Variants in MMP26 observed in about 807,000 individuals in gnomAD.
MMP26 encodes matrix metallopeptidase 26.
MMP26 carries 33 observed loss-of-function variants against 31.0 expected under a neutral mutation model. The observed-to-expected ratio is 1.06, with a 90% CI of 0.81 to 1.42. The LOEUF is 1.42. Ranked by LOEUF, MMP26 falls within the 40% of genes most tolerant of loss-of-function variation. The pLI, the probability that MMP26 is intolerant of heterozygous loss-of-function variation, is 0.00. For missense variants in MMP26, 347 were observed against 316.1 expected, an observed-to-expected ratio of 1.10 and a Z score of -0.74; for synonymous variants, 122 against 114.9, an observed-to-expected ratio of 1.06 and a Z score of -0.40.
At chr11:4,731,846 C>T (rs533282214) in intron 1 of MMP26, among the ~76,000 whole-genome samples, 1 of 152,252 alleles carries the variant, frequency 6.6e-6, no homozygotes, top group Non-Finnish European at 1.5e-5. Flanking sequence ...TGTCTATTCA[C>T]TATGGATGGA....
chr11:4,706,181 T>A (rs945171804), intron 1 of MMP26, among the ~76,000 whole-genome samples: 1 of 152,186 alleles, frequency 6.6e-6, no homozygotes, highest in African/African-American at 2.4e-5. Context: ...ACCACTAATT[T>A]TATTAGAGAG....
chr11:4,746,152 C>T (rs767318089), intron 1 of MMP26, among the ~76,000 whole-genome samples: 1 of 152,104 alleles, frequency 6.6e-6, no homozygotes, highest in Non-Finnish European at 1.5e-5. Flanking sequence ...TCTTATGTTC[C>T]CATTGACTTG....
At chr11:4,973,181 CT>C in intron 2 of MMP26, 1 of 191,252 alleles carries the variant, frequency 5.2e-6, no homozygotes. Context: ...GACCTTGAGC[CT>C]TTTCTTTCAT....
At chr11:4,991,881 C>T (rs1199482939) in intron 6 of MMP26, 83 bp from the exon 7 acceptor site, 18 of 1,283,970 alleles carry the variant, frequency 1.4e-5, no homozygotes, top group Non-Finnish European at 1.8e-5. Context: ...CTGTTCTCTC[C>T]TTTTTCTTTG....
intron 2 of MMP26, chr11:4,876,641 T>C (rs891455506): frequency 6.6e-5 from 10 of 152,280 alleles, no homozygotes; most frequent in African/African-American, 2.2e-4. Flanking sequence ...GAAAGACTTA[T>C]GGATGGCCTT....
intron 2 of MMP26, among the ~76,000 whole-genome samples, chr11:4,911,667 T>C (rs1463189893): frequency 6.6e-6 from 1 of 152,206 alleles, no homozygotes; most frequent in Non-Finnish European, 1.5e-5. Context: ...TTCAAATATC[T>C]AACTCCATCA....
intron 2 of MMP26, chr11:4,876,408 AT>A (rs1850379626): frequency 6.6e-6 from 1 of 152,184 alleles, no homozygotes; most frequent in Non-Finnish European, 1.5e-5. Flanking sequence ...TGGTTTCTGT[AT>A]CAAACTGAGC....
rs150084179 is a variant in MMP26, at chr11:4,766,436, A to G, written c.-216-834A>G. On this transcript the variant is annotated intron_variant, in intron 1 of 7. Coordinates refer to ENST00000380390, the MANE Select transcript of MMP26 (RefSeq NM_021801.5). ...TCTACTCGGTGTTTCATGGTACTAC[A>G]TTTTTCCCCGGATACAGATGTAACA... Among the ~76,000 whole-genome samples the G allele has an allele frequency of 4.6e-5, 7 of 152,112 alleles. No individual in the cohort carries two copies. In the East Asian group the frequency reaches 1.2e-3, roughly 25 times the overall value.
chr11:4,907,736 T>C, intron 2 of MMP26: 1 of 1,614,064 alleles, frequency 6.2e-7, no homozygotes, highest in South Asian at 1.1e-5. Context: ...TTTGGACCGC[T>C]TTCTTGCCAT....
intron 2 of MMP26, among the ~76,000 whole-genome samples, chr11:4,905,325 G>C (rs574441895): frequency 6.6e-6 from 1 of 152,234 alleles, no homozygotes; most frequent in East Asian, 1.9e-4. Context: ...CCATGTAGAA[G>C]ATGCAGAGCT....
At chr11:4,796,589 T>A (rs1260685931) in intron 2 of MMP26, among the ~76,000 whole-genome samples, 2 of 152,226 alleles carry the variant, frequency 1.3e-5, no homozygotes, top group Non-Finnish European at 2.9e-5. Flanking sequence ...ATATACAGAC[T>A]TTTAATATAC....
chr11:4,769,173 C>A, intron 2 of MMP26: 1 of 1,614,120 alleles, frequency 6.2e-7, no homozygotes, highest in Non-Finnish European at 8.5e-7. Context: ...AAAGCAACTG[C>A]TCCCACATGG....
intron 2 of MMP26, among the ~76,000 whole-genome samples, chr11:4,857,500 A>G (rs1242100140): frequency 2.6e-5 from 4 of 152,178 alleles, no homozygotes; most frequent in Non-Finnish European, 5.9e-5. Flanking sequence ...TCCTGGACAC[A>G]TACTCTCTCC....
At position 4,917,132 on chromosome 11, in the gene MMP26, C is replaced by T. The variant is rs77145981; in HGVS notation, c.-144-70936C>T. Among the ~76,000 whole-genome samples the T allele has an allele frequency of 2.3e-3, 336 of 142,992 alleles. 3 individuals are homozygous for T. In the South Asian group the frequency reaches 0.026, roughly 11 times the overall value. The allele number at this position is 142,992 out of a possible 152,430, so 93.8% of individuals were successfully genotyped here. On this transcript the variant is annotated intron_variant, in intron 2 of 7. Coordinates refer to ENST00000380390, the MANE Select transcript of MMP26 (RefSeq NM_021801.5). ...CCAGTATTTAGAACATGCCCCAGTA[C>T]GCAGCAGATGCCAAGAATGTTTTTT... is the stretch of plus-strand genomic sequence containing the variant.
chr11:4,917,331 T>C lies in MMP26; in HGVS notation c.-144-70737T>C, dbSNP rs1368756715. 3.9e-5 allele frequency among the ~76,000 whole-genome samples: 6 copies of C among 152,018 alleles called. No individual in the cohort carries two copies. In the South Asian group the frequency reaches 8.3e-4, roughly 21 times the overall value. ...ATCAGACAAATAGTAAAGACAAAAA[T>C]AGGATTTGAACGAATATTTGATTTT... On this transcript the variant is annotated intron_variant, in intron 2 of 7. Coordinates refer to ENST00000380390, the MANE Select transcript of MMP26 (RefSeq NM_021801.5).
At chr11:4,991,149 A>G (rs757041454) in intron 5 of MMP26, among the ~76,000 whole-genome samples, 1 of 152,200 alleles carries the variant, frequency 6.6e-6, no homozygotes, top group Non-Finnish European at 1.5e-5. Flanking sequence ...AGCTTTACTC[A>G]GTGTCTGCCA....
chr11:4,851,119 C>T (rs907661618), intron 2 of MMP26, among the ~76,000 whole-genome samples: 1 of 152,146 alleles, frequency 6.6e-6, no homozygotes, highest in African/African-American at 2.4e-5. Flanking sequence ...CCCTGGAAAT[C>T]CATTAGAGAT....
chr11:4,956,638 C>T (rs192467698), intron 2 of MMP26, among the ~76,000 whole-genome samples: 1 of 152,240 alleles, frequency 6.6e-6, no homozygotes, highest in East Asian at 1.9e-4. Context: ...GGACAAACAT[C>T]CTGGGACACA....
In MMP26 at chr11:4,778,716, A is replaced by T. The variant is rs115456130; in HGVS notation, c.-145+11375A>T. On this transcript the variant is annotated intron_variant, in intron 2 of 7. Coordinates refer to ENST00000380390, the MANE Select transcript of MMP26 (RefSeq NM_021801.5). The stretch of plus-strand genomic sequence containing the variant: ...TTTTTGAAAGAACTTACTTGTTTAA[A>T]ATATTAAACCTTATAATTCATGAAC... Among the ~76,000 whole-genome samples, 1,517 of 152,162 alleles carry T rather than the reference A, an allele frequency of 1.0e-2. 16 individuals are homozygous for T. The highest frequency in any genetic ancestry group is 0.041 in the Middle Eastern group (12 of 294).
Sources: allele counts gnomAD v4.1 joint callset (sites outside exome capture counted in the v4.1 genomes callset), GRCh38; gene constraint gnomAD v4.1.1; transcripts MANE v1.5; gene names NCBI Gene and HGNC (gene_info 2026-07-23, HGNC 2026-07-21).